Variants in GLYATL1 observed in about 807,000 individuals in gnomAD.
GLYATL1 encodes the protein glycine N-acyltransferase-like protein 1.
Under a neutral mutation model 20.0 loss-of-function variants are expected in GLYATL1, and 15 were observed. The observed-to-expected ratio is 0.75, with a 90% confidence interval of 0.50 to 1.15. The LOEUF (loss-of-function observed/expected upper bound fraction) is 1.15. GLYATL1 is among the 50% of genes most tolerant of loss of function. The pLI is 0.00. For missense variants in GLYATL1, 380 were observed against 368.5 expected (o/e 1.03, Z -0.26); for synonymous variants, 151 against 131.5 (o/e 1.15, Z -1.01).
At position 58,947,358 on chromosome 11, in the gene GLYATL1, C is replaced by A. The variant is rs116046404; in HGVS notation, c.78+193C>A. ...GGAAGAGGCAGCTAGGTCCACTCTG[C>A]AGGTTTTGCCACTCATTTGGAGAGG... On this transcript the variant is annotated intron_variant, in intron 3 of 6. Coordinates refer to ENST00000532726, the MANE Select transcript of GLYATL1 (RefSeq NM_001389712.2). The A allele has an allele frequency of 2.1e-4, 151 of 711,070 alleles. 1 individual carries two copies. The African/African-American group carries it at 2.5e-3, about 12-fold the overall frequency. 44.0% of individuals were successfully genotyped at this position (711,070 alleles called of 1,614,324 possible).
chr11:58,943,892 G>A (rs1856368721), intron 2 of GLYATL1, among the ~76,000 whole-genome samples: 1 of 151,972 alleles, frequency 6.6e-6, no homozygotes, highest in Non-Finnish European at 1.5e-5. Flanking sequence ...TGTTGCAGGA[G>A]TTATAAAATT....
chr11:58,942,525 T>C (rs1217594859), intron 1 of GLYATL1: 2 of 152,152 alleles, frequency 1.3e-5, no homozygotes, highest in African/African-American at 4.8e-5. Context: ...ACTCCAAGAA[T>C]TTTTCTTTGA....
At chr11:58,919,951 G>A (rs967985009) in intron 1 of GLYATL1, among the ~76,000 whole-genome samples, 1 of 152,190 alleles carries the variant, frequency 6.6e-6, no homozygotes, top group South Asian at 2.1e-4. Flanking sequence ...CCCATCAAAG[G>A]TTTTCCACCA....
At chr11:58,939,266 G>T (rs1471702884), upstream of GLYATL1, among the ~76,000 whole-genome samples, 1 of 152,052 alleles carries the variant, frequency 6.6e-6, no homozygotes, top group African/African-American at 2.4e-5. Context: ...TCTACACATT[G>T]TTACATTTCT....
Position 58,955,164 on chromosome 11 carries a change from CT to C in GLYATL1, c.314-9del. The C allele has an allele frequency of 6.2e-7, 1 of 1,609,510 alleles. No individual in the cohort carries two copies. Among genetic ancestry groups the C allele is most frequent in the Non-Finnish European group, 8.5e-7 (1 of 1,177,818 alleles). On this transcript the variant is annotated splice_polypyrimidine_tract_variant and intron_variant, in intron 5 of 6. Transcript: ENST00000532726. ...ATGTCTGACAAGATTGCTTTCTTGGCTTTCTTCCCAGGTCTTCAAGAAAGTT... is the reference window on the plus strand; with the variant it reads ...ATGTCTGACAAGATTGCTTTCTTGGCTTCTTCCCAGGTCTTCAAGAAAGTT...
chr11:58,934,922 G>A (rs1271217504), upstream of GLYATL1: 1 of 152,492 alleles, frequency 6.6e-6, no homozygotes, highest in African/African-American at 2.4e-5. Context: ...CTTGGAGTCT[G>A]CGACCACAGG....
chr11:58,905,724 GTCATC>G, intron 1 of GLYATL1: 1 of 191,696 alleles, frequency 5.2e-6, no homozygotes, highest in Non-Finnish European at 1.1e-5. Context: ...ACCGGGATGG[GTCATC>G]TGGACAAATA....
chr11:58,909,897 G>A, downstream of GLYATL1, among the ~76,000 whole-genome samples: 1 of 152,062 alleles, frequency 6.6e-6, no homozygotes, highest in South Asian at 2.1e-4. Flanking sequence ...TTCTTCAACG[G>A]CTTGTTTGTG....
upstream of GLYATL1, among the ~76,000 whole-genome samples, chr11:58,938,547 A>G (rs1308023869): frequency 6.6e-6 from 1 of 152,222 alleles, no homozygotes. Flanking sequence ...ACTTATGACT[A>G]ATACTGAGTA....
At chr11:58,952,049 C>CTAATAA (rs5792142) in intron 4 of GLYATL1, among the ~76,000 whole-genome samples, 146,249 of 151,906 alleles carry the variant, frequency 0.96, 70,623 homozygotes, top group East Asian at 1. Flanking sequence ...ACAATTCCAA[C>CTAATAA]TAATAATAGT....
At chr11:58,952,945 A>T (rs1387152161) in intron 4 of GLYATL1, among the ~76,000 whole-genome samples, 1 of 152,218 alleles carries the variant, frequency 6.6e-6, no homozygotes, top group African/African-American at 2.4e-5. Context: ...CCCAAAAGAA[A>T]ATGAATCATT....
intron 2 of GLYATL1, 178 bp from the exon 3 acceptor site, chr11:58,946,868 G>A (rs1458304340): frequency 4.7e-6 from 3 of 634,984 alleles, no homozygotes; most frequent in Non-Finnish European, 8.5e-6. Context: ...TCTGACTCTG[G>A]CATTTATCTC....
chr11:58,924,645 G>T (rs1018327175), upstream of GLYATL1, among the ~76,000 whole-genome samples: 1 of 152,184 alleles, frequency 6.6e-6, no homozygotes, highest in Non-Finnish European at 1.5e-5. Context: ...GTCAGGTGAG[G>T]TGGTCACTGC....
At chr11:58,943,402 T>C (rs1040032572) in intron 1 of GLYATL1, 141 bp from the exon 2 acceptor site, 71 of 1,531,178 alleles carry the variant, frequency 4.6e-5, no homozygotes, top group Non-Finnish European at 5.7e-5. Flanking sequence ...CTTTTTTGTC[T>C]ATAAATTCAT....
At chr11:58,930,162 C>T (rs10792207) in intron 1 of GLYATL1, among the ~76,000 whole-genome samples, 29,289 of 152,052 alleles carry the variant, frequency 0.19, 3,347 homozygotes, top group East Asian at 0.31. Context: ...CTATAAAGGG[C>T]TTACTTTATC....
At position 58,906,119 on chromosome 11, in the gene GLYATL1, T is replaced by C. The variant is rs540585810; in HGVS notation, n.238+458T>C. On this transcript the variant is annotated intron_variant and non_coding_transcript_variant, in intron 1 of 1. Transcript: ENST00000524629. ...TCAGGCTCGCCGGTTCTTTGAGTGG[T>C]TTTTCTGGTTCTGGGTCGGACCCGG... Among the ~76,000 whole-genome samples, 80 of 152,018 alleles carry C rather than the reference T, an allele frequency of 5.3e-4. 1 individual carries two copies. The highest frequency in any genetic ancestry group is 1.8e-3 in the African/African-American group (74 of 41,452).
At chr11:58,921,952 A>T (rs1855318886) in intron 1 of GLYATL1, among the ~76,000 whole-genome samples, 1 of 152,204 alleles carries the variant, frequency 6.6e-6, no homozygotes, top group Admixed American at 6.5e-5. Flanking sequence ...TGCCTCACAG[A>T]GTCATAAAAC....
intron 1 of GLYATL1, among the ~76,000 whole-genome samples, chr11:58,940,347 A>G (rs1181785095): frequency 6.6e-6 from 1 of 152,258 alleles, no homozygotes; most frequent in East Asian, 1.9e-4. Flanking sequence ...AAGTTCAGCC[A>G]TGTGAACATG....
chr11:58,917,379 TG>T lies in GLYATL1; in HGVS notation n.264+11720del, dbSNP rs1855199686. On this transcript the variant is annotated intron_variant and non_coding_transcript_variant, in intron 1 of 2. Coordinates refer to the GLYATL1 transcript ENST00000534674. ...ACCCAGCAGATTAACAGCCAAACACTGGTCCCAGAACAAAGACAGCACTTGA... is the reference window on the plus strand; with the variant it reads ...ACCCAGCAGATTAACAGCCAAACACTGTCCCAGAACAAAGACAGCACTTGA... The T allele has an allele frequency of 3.9e-5, 6 of 152,322 alleles. 1 individual carries two copies. The highest frequency in any genetic ancestry group is 1.4e-4 in the African/African-American group (6 of 41,556). The allele number at this position is 152,322 out of a possible 1,614,324, so 9.4% of individuals were successfully genotyped here.
Sources: gnomAD v4.1 joint callset for allele counts (sites outside exome capture counted in the v4.1 genomes callset) on GRCh38, gnomAD v4.1.1 for gene constraint, MANE v1.5 for transcripts, NCBI Gene and HGNC (gene_info 2026-07-23, HGNC 2026-07-21) for gene names.